STK10: variants seen among roughly 807,000 people sequenced by gnomAD.
The protein encoded by STK10 is serine/threonine kinase 10.
A neutral mutation model predicts 113.8 loss-of-function variants in STK10; 78 were observed. That is an observed-to-expected ratio of 0.69 (90% CI 0.57 to 0.83). The LOEUF (loss-of-function observed/expected upper bound fraction) is 0.83, where lower values mean the gene tolerates loss of function less well. Ranked by LOEUF, STK10 falls within the 40% of genes least tolerant of loss-of-function variation. The probability of loss-of-function intolerance (pLI) is 0.00; values close to 1 mark genes in which losing one functional copy is unlikely to be tolerated. For synonymous variants in STK10, 465 were observed against 494.7 expected, an observed-to-expected ratio of 0.94 and a Z score of 0.80; for missense variants, 1,109 against 1,280.1, an observed-to-expected ratio of 0.87 and a Z score of 2.04.
Position 172,102,322 on chromosome 5 carries a change from C to T in STK10, c.870+3334G>A, listed in dbSNP as rs981858746. 2.6e-5 allele frequency among the ~76,000 whole-genome samples: 4 copies of T among 152,228 alleles called. No homozygotes were observed. In the South Asian group the frequency reaches 8.3e-4, roughly 32 times the overall value. ...CAAGGGTGCCTGCATGGTTTGGGGC[C>T]TGAGCCACTGGAAGGGTGGAGCTGC... is the stretch of plus-strand genomic sequence containing the variant. On this transcript the variant is annotated intron_variant, in intron 7 of 18. Transcript: ENST00000176763.
At chr5:172,126,230 G>A (rs1345966966) in intron 3 of STK10, among the ~76,000 whole-genome samples, 1 of 152,228 alleles carries the variant, frequency 6.6e-6, no homozygotes, top group Non-Finnish European at 1.5e-5. Flanking sequence ...TGGGTTCACA[G>A]CTCTCCTGTG....
Position 172,096,287 on chromosome 5 carries a change from G to A in STK10, c.1005+139C>T, listed in dbSNP as rs78763213. On this transcript the variant is annotated intron_variant, in intron 8 of 18. Transcript: ENST00000176763. ...CATGCCATCTTACGTTACCTGCAGC[G>A]TGGGAGTCTGCAACCTCTGAGCTGG... 2,161 of 1,359,944 alleles carry A rather than the reference G, an allele frequency of 1.6e-3. 37 individuals carry two copies. The African/African-American group carries it at 0.027, about 17-fold the overall frequency. The allele number at this position is 1,359,944 out of a possible 1,614,324, so 84.2% of individuals were successfully genotyped here. A position where few individuals can be genotyped will look rare whatever the true frequency, so the allele number is the denominator to read the frequency against.
chr5:172,153,288 A>AAAAGAAAGAAAGAAAGAAAGAAAGAAAG lies in STK10; in HGVS notation c.321+3308_321+3335dup, dbSNP rs35446422. On this transcript the variant is annotated intron_variant, in intron 2 of 18. Transcript: ENST00000176763. ...GCAACAGGAGCAAAACTCCATCTCA[A>AAAAGAAAGAAAGAAAGAAAGAAAGAAAG]AAAGAAAGAAAGAAAGAAAGAAAGA... Among the ~76,000 whole-genome samples the AAAAGAAAGAAAGAAAGAAAGAAAGAAAG allele has an allele frequency of 6.3e-4, 90 of 142,040 alleles. 2 individuals carry two copies. Among genetic ancestry groups the AAAAGAAAGAAAGAAAGAAAGAAAGAAAG allele is most frequent in the African/African-American group, 1.5e-3 (53 of 34,920 alleles). 93.2% of individuals were successfully genotyped at this position (142,040 alleles called of 152,430 possible).
intron 18 of STK10, among the ~76,000 whole-genome samples, chr5:172,049,761 C>G (rs796595706): frequency 6.6e-6 from 1 of 152,186 alleles, no homozygotes; most frequent in African/African-American, 2.4e-5. Flanking sequence ...CCCCTCCTAA[C>G]TGAATGGGTA....
At chr5:172,171,968 G>A (rs909865979) in intron 1 of STK10, among the ~76,000 whole-genome samples, 6 of 152,086 alleles carry the variant, frequency 3.9e-5, no homozygotes, top group Non-Finnish European at 7.4e-5. Context: ...GAGGTGGGTG[G>A]ATCACCTGAA....
intron 2 of STK10, among the ~76,000 whole-genome samples, chr5:172,150,047 C>CAAAAA (rs35745235): frequency 3.9e-4 from 34 of 86,922 alleles, no homozygotes; most frequent in East Asian, 9.8e-4. Flanking sequence ...AACTTTGTCT[C>CAAAAA]AAAAAAAAAA....
At chr5:172,166,676 C>CA (rs771421462) in intron 1 of STK10, among the ~76,000 whole-genome samples, 7 of 152,150 alleles carry the variant, frequency 4.6e-5, no homozygotes, top group Non-Finnish European at 8.8e-5. Flanking sequence ...AATAAATTAG[C>CA]AAAAACATGC....
At chr5:172,056,983 GAA>G (rs879428432) in intron 15 of STK10, 8,443 of 101,288 alleles carry the variant, frequency 0.083, 658 homozygotes, top group African/African-American at 0.18. Context: ...AAGAAAGAAA[GAA>G]AGAAAGAAAG....
At chr5:172,111,553 C>T (rs567084136) in intron 4 of STK10, among the ~76,000 whole-genome samples, 2 of 152,346 alleles carry the variant, frequency 1.3e-5, no homozygotes, top group Non-Finnish European at 2.9e-5. Flanking sequence ...TTGCTCCCTC[C>T]GCAGAGTTTA....
chr5:172,173,008 G>A (rs980149177), intron 1 of STK10, among the ~76,000 whole-genome samples: 2 of 151,932 alleles, frequency 1.3e-5, no homozygotes, highest in Non-Finnish European at 1.5e-5. Flanking sequence ...CCTCTGAGGC[G>A]AGGAGACCCG....
chr5:172,142,810 T>C (rs34365894), intron 2 of STK10, among the ~76,000 whole-genome samples: 12,329 of 152,194 alleles, frequency 0.081, 637 homozygotes, highest in South Asian at 0.15. Context: ...CACAGATAAG[T>C]GGCAGAGATC....
intron 2 of STK10, among the ~76,000 whole-genome samples, chr5:172,142,595 A>G (rs866536421): frequency 6.7e-6 from 1 of 149,180 alleles, no homozygotes; most frequent in Admixed American, 6.7e-5. Context: ...CACACTCACT[A>G]TTTGAGGTAG....
In STK10 at chr5:172,058,221, C is replaced by T. The variant is rs535302690; in HGVS notation, c.2213-748G>A. Among the ~76,000 whole-genome samples the T allele has an allele frequency of 5.9e-5, 9 of 152,284 alleles. No individual in the cohort carries two copies. In the South Asian group the frequency reaches 6.2e-4, roughly 11 times the overall value. ...CCTGTTCCGTGCAAAATGGTATCTG[C>T]TTTTGGTATATCAGAATAGTGATTC... On this transcript the variant is annotated intron_variant, in intron 14 of 18. Transcript: ENST00000176763.
intron 12 of STK10, among the ~76,000 whole-genome samples, chr5:172,073,421 G>T (rs965304767): frequency 1.3e-5 from 2 of 151,866 alleles, no homozygotes; most frequent in African/African-American, 4.8e-5. Flanking sequence ...CAAAGTGCTG[G>T]GATTACAGGT....
At chr5:172,057,780 T>G (rs1310186902) in intron 14 of STK10, among the ~76,000 whole-genome samples, 2 of 152,160 alleles carry the variant, frequency 1.3e-5, no homozygotes, top group African/African-American at 4.8e-5. Context: ...GGATTAGGAA[T>G]GGAGAGGTTC....
rs147769505 is a variant in STK10 at position 172,126,959 on chromosome 5, G to A, written c.370+414C>T. 2.0e-3 allele frequency among the ~76,000 whole-genome samples: 304 copies of A among 152,238 alleles called. 1 individual carries two copies. The highest frequency in any genetic ancestry group is 6.1e-3 in the African/African-American group (254 of 41,536). On this transcript the variant is annotated intron_variant, in intron 3 of 18. Transcript: ENST00000176763. ...GAACAGGGAGTGATGGTCTTCCAGC[G>A]AATGTCCTGCGTTCTCTTCAAGAAC...
intron 1 of STK10, among the ~76,000 whole-genome samples, chr5:172,171,100 C>A (rs1161901653): frequency 6.6e-6 from 1 of 152,226 alleles, no homozygotes; most frequent in East Asian, 1.9e-4. Flanking sequence ...TTAAGTCGGC[C>A]TGTTTATTCC....
chr5:172,060,143 T>G (rs562842195), intron 14 of STK10, among the ~76,000 whole-genome samples: 1 of 152,188 alleles, frequency 6.6e-6, no homozygotes, highest in South Asian at 2.1e-4. Flanking sequence ...CACGTTGGCT[T>G]ATGCCTCTAA....
At chr5:172,048,008 T>C (rs899157334) in intron 18 of STK10, among the ~76,000 whole-genome samples, 2 of 147,564 alleles carry the variant, frequency 1.4e-5, no homozygotes, top group Non-Finnish European at 3.0e-5. Context: ...GTTCAAGCCA[T>C]TCTCCTGCCT....
Sources: allele counts gnomAD v4.1 joint callset (sites outside exome capture counted in the v4.1 genomes callset), GRCh38; gene constraint gnomAD v4.1.1; transcripts MANE v1.5; gene names NCBI Gene and HGNC (gene_info 2026-07-23, HGNC 2026-07-21).